Variants in SCFD2 observed in about 807,000 individuals in gnomAD.
SCFD2 encodes sec1 family domain containing 2.
A neutral mutation model predicts 58.9 loss-of-function variants in SCFD2; 54 were observed. That is an observed-to-expected ratio of 0.92 (90% CI 0.74 to 1.15). SCFD2 has a LOEUF of 1.15. Ranked by LOEUF, SCFD2 falls within the 50% of genes most tolerant of loss-of-function variation. The pLI is 0.00. For synonymous variants in SCFD2, 321 were observed against 335.9 expected (o/e 0.96, Z 0.49); for missense variants, 805 against 836.6 (o/e 0.96, Z 0.47).
At chr4:52,993,099 A>G (rs1414031651) in intron 5 of SCFD2, among the ~76,000 whole-genome samples, 1 of 151,976 alleles carries the variant, frequency 6.6e-6, no homozygotes, top group Non-Finnish European at 1.5e-5. Context: ...CTTACCCCCA[A>G]CCCCCTGCTC....
chr4:53,339,723 T>C (rs1406962626), intron 2 of SCFD2, among the ~76,000 whole-genome samples: 3 of 151,782 alleles, frequency 2.0e-5, no homozygotes, highest in African/African-American at 4.8e-5. Flanking sequence ...TGGGCCAAGA[T>C]TGCACCACTG....
chr4:53,286,929 A>T (rs1731685861), intron 3 of SCFD2, among the ~76,000 whole-genome samples: 1 of 152,136 alleles, frequency 6.6e-6, no homozygotes, highest in South Asian at 2.1e-4. Context: ...ACTATGTGGC[A>T]TCCTCTCTCC....
intron 5 of SCFD2, among the ~76,000 whole-genome samples, chr4:52,953,266 G>A (rs1174429752): frequency 6.6e-6 from 1 of 152,192 alleles, no homozygotes. Flanking sequence ...CAACTATAGA[G>A]TAAAGAATGT....
chr4:53,087,459 A>G (rs972295859), intron 5 of SCFD2, among the ~76,000 whole-genome samples: 6 of 151,538 alleles, frequency 4.0e-5, no homozygotes, highest in East Asian at 2.0e-4. Flanking sequence ...TCAGCCTCCC[A>G]AGTAGCTGCG....
chr4:53,186,982 G>A (rs1386741417), intron 4 of SCFD2, among the ~76,000 whole-genome samples: 5 of 151,678 alleles, frequency 3.3e-5, no homozygotes, highest in Non-Finnish European at 5.9e-5. Flanking sequence ...ACCAATTAAG[G>A]AAAAGATAGA....
chr4:52,941,329 G>A (rs541891844), intron 5 of SCFD2, among the ~76,000 whole-genome samples: 3 of 152,274 alleles, frequency 2.0e-5, no homozygotes, highest in Non-Finnish European at 2.9e-5. Context: ...ATGTTAGAAC[G>A]TAATAAGTAC....
intron 1 of SCFD2, among the ~76,000 whole-genome samples, chr4:53,364,734 AG>A (rs1234079957): frequency 2.8e-5 from 1 of 35,126 alleles, no homozygotes; most frequent in Non-Finnish European, 1.4e-4. Flanking sequence ...AACAAACCAG[AG>A]TCTTCTTATG....
intron 5 of SCFD2, among the ~76,000 whole-genome samples, chr4:53,035,402 G>A (rs372247957): frequency 6.6e-6 from 1 of 152,124 alleles, no homozygotes; most frequent in African/African-American, 2.4e-5. Context: ...TACCACTCAG[G>A]ACATAGGCAT....
chr4:53,073,402 T>G (rs2148851175), intron 5 of SCFD2, among the ~76,000 whole-genome samples: 1 of 152,258 alleles, frequency 6.6e-6, no homozygotes, highest in East Asian at 1.9e-4. Flanking sequence ...TTTCTATTGC[T>G]TGGATAAAGC....
intron 5 of SCFD2, among the ~76,000 whole-genome samples, chr4:52,960,345 G>C (rs930634917): frequency 6.6e-6 from 1 of 150,538 alleles, no homozygotes; most frequent in Admixed American, 6.6e-5. Flanking sequence ...TGATGTTTCC[G>C]CAGAGAGGCA....
chr4:53,303,119 A>C (rs1170658219), intron 3 of SCFD2, among the ~76,000 whole-genome samples: 1 of 152,234 alleles, frequency 6.6e-6, no homozygotes, highest in Admixed American at 6.5e-5. Context: ...CTTAAACTAA[A>C]GAGCTTCTGC....
intron 5 of SCFD2, among the ~76,000 whole-genome samples, chr4:52,974,041 T>C (rs1374609334): frequency 2.0e-5 from 3 of 152,200 alleles, no homozygotes; most frequent in Admixed American, 6.5e-5. Context: ...GAGCTATCTA[T>C]GACAAACCCA....
chr4:53,250,107 T>G (rs1390947575), intron 4 of SCFD2, among the ~76,000 whole-genome samples: 3 of 151,946 alleles, frequency 2.0e-5, no homozygotes, highest in African/African-American at 7.3e-5. Flanking sequence ...TGGAGGAAGA[T>G]CTACCAAGCA....
chr4:52,972,463 C>A (rs139794732), intron 5 of SCFD2, among the ~76,000 whole-genome samples: 1,528 of 152,278 alleles, frequency 0.01, 25 homozygotes, highest in African/African-American at 0.035. Context: ...ACAAGAAGAG[C>A]TCACTATCCT....
intron 4 of SCFD2, among the ~76,000 whole-genome samples, chr4:53,205,175 T>C (rs182286722): frequency 2.6e-5 from 4 of 152,158 alleles, no homozygotes; most frequent in Non-Finnish European, 5.9e-5. Context: ...TGAAAAGAAC[T>C]CTGGATCACA....
At chr4:53,167,768 T>C (rs1464552806) in intron 4 of SCFD2, among the ~76,000 whole-genome samples, 1 of 152,166 alleles carries the variant, frequency 6.6e-6, no homozygotes, top group Non-Finnish European at 1.5e-5. Context: ...AGGAGAGTTC[T>C]TTCTTCATAT....
chr4:53,076,752 T>C (rs1317454239), intron 5 of SCFD2, among the ~76,000 whole-genome samples: 1 of 152,180 alleles, frequency 6.6e-6, no homozygotes, highest in Non-Finnish European at 1.5e-5. Context: ...CCCAGCAGCC[T>C]TTCTCTACAC....
chr4:53,062,118 T>A (rs1723531297), intron 5 of SCFD2, among the ~76,000 whole-genome samples: 1 of 151,814 alleles, frequency 6.6e-6, no homozygotes, highest in Non-Finnish European at 1.5e-5. Context: ...AGACCTGTAA[T>A]CCCAGCAATT....
intron 5 of SCFD2, among the ~76,000 whole-genome samples, chr4:53,024,704 CTTT>C (rs374465004): frequency 7.0e-6 from 1 of 142,032 alleles, no homozygotes. Flanking sequence ...TGTCTCAGGC[CTTT>C]TTTTTTTTTT....
Sources: allele counts gnomAD v4.1 joint callset (sites outside exome capture counted in the v4.1 genomes callset), GRCh38; gene constraint gnomAD v4.1.1; transcripts MANE v1.5; gene names NCBI Gene and HGNC (gene_info 2026-07-23, HGNC 2026-07-21).